MAP3K3: variants seen among roughly 807,000 people sequenced by gnomAD.
MAP3K3 encodes mitogen-activated protein kinase kinase kinase 3.
In MAP3K3, 12 loss-of-function variants were observed where a neutral mutation model predicts 80.9. The observed-to-expected ratio is 0.15, with a 90% confidence interval of 0.10 to 0.24. The LOEUF (loss-of-function observed/expected upper bound fraction) is 0.24, where lower values mean the gene tolerates loss of function less well. MAP3K3 is among the 10% of genes least tolerant of loss of function. MAP3K3 has a pLI of 1.00. For missense variants in MAP3K3, 596 were observed against 834.7 expected, an observed-to-expected ratio of 0.71 and a Z score of 3.52; for synonymous variants, 272 against 307.1, an observed-to-expected ratio of 0.89 and a Z score of 1.19.
At position 63,656,901 on chromosome 17, in the gene MAP3K3, T is replaced by C. The variant is rs140400373; in HGVS notation, c.268-893T>C. Among the ~76,000 whole-genome samples, 228 of 152,164 alleles carry C rather than the reference T, an allele frequency of 1.5e-3. No individual in the cohort carries two copies. The East Asian group carries it at 0.025, about 17-fold the overall frequency. On this transcript the variant is annotated intron_variant, in intron 4 of 15. Transcript: ENST00000361733. The stretch of plus-strand genomic sequence containing the variant: ...ATGGCTGGGGAGGCCTCAGGAAACT[T>C]ACAATCATGACGGAAGGGAAAGCAA...
intron 4 of MAP3K3, among the ~76,000 whole-genome samples, chr17:63,654,209 A>G (rs1248907021): frequency 6.6e-6 from 1 of 152,006 alleles, no homozygotes; most frequent in Non-Finnish European, 1.5e-5. Context: ...ACCTGTACCT[A>G]TTAGCAGTTA....
chr17:63,682,627 C>T (rs2035363577), intron 7 of MAP3K3: 1 of 152,224 alleles, frequency 6.6e-6, no homozygotes, highest in South Asian at 2.1e-4. Flanking sequence ...TGTGGTTCCT[C>T]TTTTCTTCTG....
At chr17:63,636,771 C>G (rs2143213507) in intron 2 of MAP3K3, 1 of 321,794 alleles carries the variant, frequency 3.1e-6, no homozygotes, top group East Asian at 7.1e-5. Flanking sequence ...AGGAGGAAGA[C>G]AAGGAGGCAG....
intron 6 of MAP3K3, among the ~76,000 whole-genome samples, chr17:63,676,255 C>G (rs913950907): frequency 6.6e-6 from 1 of 152,194 alleles, no homozygotes; most frequent in African/African-American, 2.4e-5. Flanking sequence ...TATTTTTCCC[C>G]CCAGACCCTC....
intron 5 of MAP3K3, 110 bp downstream of exon 5, chr17:63,658,017 G>A (rs538405229): frequency 8.8e-6 from 5 of 565,814 alleles, no homozygotes; most frequent in Admixed American, 3.0e-5. Flanking sequence ...CTGCCAAATT[G>A]AGAGCATAAG....
intron 12 of MAP3K3, 152 bp downstream of exon 12, chr17:63,690,564 G>A (rs1477532705): frequency 1.2e-6 from 1 of 817,138 alleles, no homozygotes; most frequent in East Asian, 2.7e-5. Flanking sequence ...CAGCCACAGG[G>A]TGAAAGGACT....
Position 63,666,534 on chromosome 17 carries a change from A to T in MAP3K3, c.382-406A>T, listed in dbSNP as rs77237573. ...AATTTTGTTGGGGAGGGAAGTTGCC[A>T]TCATTCACTCTCCATCCTGACTTCC... On this transcript the variant is annotated intron_variant, in intron 5 of 15. Coordinates refer to ENST00000361733, the MANE Select transcript of MAP3K3 (RefSeq NM_002401.5). Among the ~76,000 whole-genome samples, 519 of 152,292 alleles carry T rather than the reference A, an allele frequency of 3.4e-3. 1 individual carries two copies. Among genetic ancestry groups the T allele is most frequent in the Non-Finnish European group, 5.6e-3 (384 of 68,028 alleles).
At chr17:63,683,993 CAAAAA>C in intron 7 of MAP3K3, among the ~76,000 whole-genome samples, 1 of 142,044 alleles carries the variant, frequency 7.0e-6, no homozygotes, top group African/African-American at 2.6e-5. Context: ...CCTGTCTCTA[CAAAAA>C]AAAAAAATTT....
chr17:63,645,101 A>C (rs2034516117), intron 2 of MAP3K3, among the ~76,000 whole-genome samples: 1 of 152,124 alleles, frequency 6.6e-6, no homozygotes, highest in Non-Finnish European at 1.5e-5. Context: ...TCTGTTCTTC[A>C]ATTCATTCAA....
intron 4 of MAP3K3, among the ~76,000 whole-genome samples, chr17:63,656,102 T>A (rs1479226520): frequency 1.3e-5 from 2 of 151,864 alleles, no homozygotes; most frequent in Non-Finnish European, 2.9e-5. Flanking sequence ...TGGTGCCTCA[T>A]GCCTGTAATC....
chr17:63,667,319 TTG>T (rs1279289440), intron 6 of MAP3K3, among the ~76,000 whole-genome samples: 134 of 152,326 alleles, frequency 8.8e-4, no homozygotes, highest in South Asian at 1.2e-3. Context: ...GAAAAAGTGA[TTG>T]CCTCAGACAT....
At position 63,691,155 on chromosome 17, in the gene MAP3K3, G is replaced by A. The variant is rs779071844; in HGVS notation, c.1266G>A (p.Glu422=). 1.9e-6 allele frequency: 3 copies of A among 1,614,216 alleles called. No individual in the cohort carries two copies. The highest frequency in any genetic ancestry group is 1.6e-4 in the Middle Eastern group (1 of 6,062). The part of the protein sequence containing the change: ...EIQLLKNLQH[E]RIVQYYGCLR... The stretch of plus-strand genomic sequence containing the variant: ...AGTTGCTAAAGAACTTGCAGCATGA[G>A]CGCATCGTGCAGTACTATGGCTGTC... Residue 422 remains glutamate (E), a synonymous_variant, in exon 13 of 16, where the codon GAG becomes GAA. Coordinates refer to ENST00000361733, the MANE Select transcript of MAP3K3 (RefSeq NM_002401.5). This position sits in a 1 kb window ranked among gnomAD's most constrained non-coding sequence, Gnocchi z 4.8.
intron 7 of MAP3K3, among the ~76,000 whole-genome samples, chr17:63,685,174 G>A (rs945284082): frequency 6.6e-5 from 10 of 152,102 alleles, no homozygotes; most frequent in Non-Finnish European, 1.0e-4. Flanking sequence ...GGTCCCACCC[G>A]AACTCACTGG....
intron 1 of MAP3K3, among the ~76,000 whole-genome samples, chr17:63,631,703 C>T (rs1568122057): frequency 1.3e-5 from 2 of 152,180 alleles, no homozygotes; most frequent in East Asian, 1.9e-4. Context: ...GTACTCCATG[C>T]TATTTCAAGA....
intron 3 of MAP3K3, 36 bp from the exon 4 acceptor site, chr17:63,652,521 T>A (rs1458911384): frequency 1.4e-6 from 2 of 1,392,830 alleles, no homozygotes; most frequent in African/African-American, 1.4e-5. Context: ...GTTTTAAGTA[T>A]ACAATTAACC....
rs775275166 is a variant in MAP3K3 at position 63,688,587 on chromosome 17, A to C, written c.771A>C (p.Glu257Asp). 1.2e-6 allele frequency: 2 copies of C among 1,614,066 alleles called. No homozygotes were observed. The highest frequency in any genetic ancestry group is 2.7e-5 in the African/African-American group (2 of 75,038). Reference sequence around the variant, plus strand: ...AGAGCTTCCCTGACAACAGACAGGAATACTCAGGTGAGTTCCACAGAGCCT... The same window carrying C: ...AGAGCTTCCCTGACAACAGACAGGACTACTCAGGTGAGTTCCACAGAGCCT... The part of the protein sequence containing the change: ...RAQSFPDNRQ[E>D]YSDRETQLYD... The change falls in exon 9 of 16, where the codon GAA becomes GAC. Residue 257 changes from glutamate (E) to aspartate (D), a missense_variant. This residue lies in a region of MAP3K3 where 364 missense variants were observed against 588.9 expected (regional missense o/e 0.62). Transcript: ENST00000361733.
At position 63,690,282 on chromosome 17, in the gene MAP3K3, A is replaced by G. The variant is rs997234056; in HGVS notation, c.1082A>G (p.Asn361Ser). 1.9e-6 allele frequency: 3 copies of G among 1,613,950 alleles called. No individual in the cohort carries two copies. Among genetic ancestry groups the G allele is most frequent in the African/African-American group, 1.3e-5 (1 of 74,916 alleles). ...CCTGTAGCTCCCAGTGCCCCCATCA[A>G]CTGGCGCCGGGGAAAGCTCCTGGGC... The part of the protein sequence containing the change: ...VPTKSPSAPI[N>S]WRRGKLLGQG... The change falls in exon 12 of 16, where the codon AAC becomes AGC. Residue 361 changes from asparagine (N) to serine (S), a missense_variant. This residue lies in a region of MAP3K3 where 364 missense variants were observed against 588.9 expected (regional missense o/e 0.62). Transcript: ENST00000361733.
At position 63,649,244 on chromosome 17, in the gene MAP3K3, C is replaced by T. The variant is rs1439808846; in HGVS notation, c.167+3170C>T. 2.0e-5 allele frequency among the ~76,000 whole-genome samples: 3 copies of T among 151,982 alleles called. No individual in the cohort carries two copies. In the East Asian group the frequency reaches 5.8e-4, roughly 29 times the overall value. On this transcript the variant is annotated intron_variant, in intron 3 of 15. Coordinates refer to ENST00000361733, the MANE Select transcript of MAP3K3 (RefSeq NM_002401.5). ...CTGAGGTCAGGAGTTCCAGACCAGC[C>T]TGGCCAACATGGTGAAACCCTGTCT...
At chr17:63,654,565 TG>T (rs1286295161) in intron 4 of MAP3K3, among the ~76,000 whole-genome samples, 1 of 152,172 alleles carries the variant, frequency 6.6e-6, no homozygotes. Flanking sequence ...TTTTCAATTC[TG>T]TAAGGTATAT....
Sources: allele counts gnomAD v4.1 joint callset (sites outside exome capture counted in the v4.1 genomes callset), GRCh38; gene constraint gnomAD v4.1.1; regional missense constraint gnomAD v4.1.1; non-coding constraint Gnocchi (gnomAD v3.1); transcripts MANE v1.5; gene names NCBI Gene and HGNC (gene_info 2026-07-23, HGNC 2026-07-21).